Variants in LNPEP observed in about 807,000 individuals in gnomAD.
LNPEP encodes the protein leucyl and cystinyl aminopeptidase, also known as leucyl-cystinyl aminopeptidase.
A neutral mutation model predicts 120.6 loss-of-function variants in LNPEP; 64 were observed. That is an observed-to-expected ratio of 0.53 (90% confidence interval 0.43 to 0.65). The LOEUF (loss-of-function observed/expected upper bound fraction) is 0.65, where lower values mean the gene tolerates loss of function less well. Ranked by LOEUF, LNPEP falls within the 30% of genes least tolerant of loss-of-function variation. The pLI is 0.00. For synonymous variants in LNPEP, 435 were observed against 425.4 expected (o/e 1.02, Z -0.28); for missense variants, 1,057 against 1,200.0 (o/e 0.88, Z 1.76).
chr5:96,956,459 A>C (rs886291046), intron 1 of LNPEP, among the ~76,000 whole-genome samples: 2 of 152,222 alleles, frequency 1.3e-5, no homozygotes, highest in Admixed American at 1.3e-4. Context: ...CGGAGGTTGC[A>C]GTGAGCAGAA....
At chr5:96,944,537 C>CTTTTTTTTTTTTTCTT (rs147837667) in intron 1 of LNPEP, among the ~76,000 whole-genome samples, 1 of 108,244 alleles carries the variant, frequency 9.2e-6, no homozygotes, top group Non-Finnish European at 1.9e-5. Context: ...CAAAGATTTT[C>CTTTTTTTTTTTTTCTT]TTTTTTGTTT....
At chr5:96,945,612 G>T (rs1057130685) in intron 1 of LNPEP, among the ~76,000 whole-genome samples, 1 of 152,102 alleles carries the variant, frequency 6.6e-6, no homozygotes, top group Non-Finnish European at 1.5e-5. Context: ...TACAAAGAGT[G>T]TTTCGTCAGT....
At chr5:96,993,795 A>G (rs1790447398) in intron 5 of LNPEP, 22 bp from the exon 6 acceptor site, 1 of 1,608,774 alleles carries the variant, frequency 6.2e-7, no homozygotes, top group Non-Finnish European at 8.5e-7. Context: ...AAAGTTGATC[A>G]CTTATTTCCT....
intron 13 of LNPEP, among the ~76,000 whole-genome samples, chr5:97,020,554 G>A (rs1707536958): frequency 6.6e-6 from 1 of 152,168 alleles, no homozygotes; most frequent in African/African-American, 2.4e-5. Flanking sequence ...CGTAATCCCA[G>A]CACTTTGGGA....
intron 11 of LNPEP, among the ~76,000 whole-genome samples, chr5:97,012,438 C>T (rs1393520557): frequency 6.6e-6 from 1 of 152,128 alleles, no homozygotes; most frequent in East Asian, 1.9e-4. Context: ...ATCTACAAAC[C>T]TTTGTCTACA....
At chr5:96,966,511 TGTG>T (rs1789726820) in intron 1 of LNPEP, among the ~76,000 whole-genome samples, 2 of 13,214 alleles carry the variant, frequency 1.5e-4, no homozygotes, top group African/African-American at 2.6e-4. Context: ...CATATATTTG[TGTG>T]TGTGTGTGTG....
chr5:97,019,109 C>T (rs1791128850), intron 13 of LNPEP, among the ~76,000 whole-genome samples: 1 of 152,164 alleles, frequency 6.6e-6, no homozygotes, highest in African/African-American at 2.4e-5. Context: ...TAATATACAA[C>T]ATAAGTGCTA....
intron 1 of LNPEP, among the ~76,000 whole-genome samples, chr5:96,942,533 A>C (rs1789079577): frequency 2.6e-5 from 4 of 151,838 alleles, no homozygotes; most frequent in African/African-American, 7.3e-5. Context: ...ACGTGCCTGA[A>C]ATCCCAGCTA....
chr5:97,002,458 A>C lies in LNPEP; in HGVS notation c.1654-957A>C, dbSNP rs77480026. ...GAAAGGACTGTTGGGGACAACAGTG[A>C]GTACTTAAATTTATAGAACAAGTAA... On this transcript the variant is annotated intron_variant, in intron 8 of 17. Transcript: ENST00000231368. Among the ~76,000 whole-genome samples, 1,294 of 152,332 alleles carry C rather than the reference A, an allele frequency of 8.5e-3. 8 individuals are homozygous for C. Among genetic ancestry groups the C allele is most frequent in the Non-Finnish European group, 0.014 (966 of 68,032 alleles).
chr5:97,009,764 C>A (rs535983172), intron 11 of LNPEP, among the ~76,000 whole-genome samples: 3 of 152,284 alleles, frequency 2.0e-5, no homozygotes, highest in Admixed American at 2.0e-4. Context: ...ACGTTTGACC[C>A]TGAGGACAGC....
intron 1 of LNPEP, among the ~76,000 whole-genome samples, chr5:96,950,900 G>C (rs748455144): frequency 1.3e-5 from 2 of 152,162 alleles, no homozygotes; most frequent in Non-Finnish European, 2.9e-5. Context: ...AGTATAGGCA[G>C]TGTAGTAGTC....
chr5:97,016,477 T>TA (rs1791073225), intron 13 of LNPEP, among the ~76,000 whole-genome samples: 1 of 152,196 alleles, frequency 6.6e-6, no homozygotes, highest in African/African-American at 2.4e-5. Flanking sequence ...TAAAGTCACT[T>TA]ACCTAGTAAG....
At chr5:96,997,109 C>T (rs772738456) in intron 7 of LNPEP, among the ~76,000 whole-genome samples, 2 of 151,856 alleles carry the variant, frequency 1.3e-5, no homozygotes, top group Non-Finnish European at 2.9e-5. Context: ...GAAATATTTC[C>T]AGTACTTAGG....
intron 1 of LNPEP, among the ~76,000 whole-genome samples, chr5:96,941,537 C>T (rs1442036450): frequency 6.6e-6 from 1 of 152,062 alleles, no homozygotes; most frequent in Non-Finnish European, 1.5e-5. Flanking sequence ...TGAAAGTTTG[C>T]AAGAAGCCAG....
chr5:97,028,525 T>C lies in LNPEP; in HGVS notation c.3070T>C (p.Trp1024Arg). The C allele has an allele frequency of 1.2e-6, 2 of 1,613,750 alleles. No individual in the cohort carries two copies. The highest frequency in any genetic ancestry group is 1.7e-6 in the Non-Finnish European group (2 of 1,179,704). Residue 1024 changes from tryptophan to arginine, a missense_variant, in exon 18 of 18, where the codon TGG (tryptophan) becomes CGG (arginine). By Grantham distance (101) the Trp-to-Arg change is moderately radical (BLOSUM62 -3). Transcript: ENST00000231368. Reference sequence around the variant, plus strand: ...GAAGAACCTCAAAAGTCTCACATGGTGGCTGTAGCATGCACAACCGCACCT... The same window carrying C: ...GAAGAACCTCAAAAGTCTCACATGGCGGCTGTAGCATGCACAACCGCACCT... ...MEKNLKSLTW[W>R]L is the part of the protein sequence containing the mutation.
intron 4 of LNPEP, among the ~76,000 whole-genome samples, chr5:96,987,276 T>G (rs1354313710): frequency 1.3e-5 from 2 of 152,192 alleles, no homozygotes. Flanking sequence ...TGATTGGACT[T>G]TATACTTTGA....
At chr5:96,987,308 A>G (rs1790265111) in intron 4 of LNPEP, among the ~76,000 whole-genome samples, 1 of 152,182 alleles carries the variant, frequency 6.6e-6, no homozygotes, top group Admixed American at 6.5e-5. Context: ...AAACCTAATA[A>G]AGTTAATTTT....
In LNPEP at chr5:97,030,386, T is replaced by C. The variant is rs1791443867; in HGVS notation, c.*1853T>C. On this transcript the variant is annotated 3_prime_UTR_variant, in exon 18 of 18. Coordinates refer to ENST00000231368, the MANE Select transcript of LNPEP (RefSeq NM_005575.3). ...TTAATGTGTTTTTATATTTTTAGAG[T>C]GAGGGAAAAATACTAAACTTTTGAG... 6.6e-6 allele frequency: 1 copy of C among 152,154 alleles called. No homozygotes were observed. The highest frequency in any genetic ancestry group is 2.1e-4 in the South Asian group (1 of 4,828). 9.4% of individuals were successfully genotyped at this position (152,154 alleles called of 1,614,324 possible). A position where few individuals can be genotyped will look rare whatever the true frequency, so the allele number is the denominator to read the frequency against.
Position 96,985,757 on chromosome 5 carries a change from T to G in LNPEP, c.999+539T>G, listed in dbSNP as rs549139969. 4.1e-5 allele frequency among the ~76,000 whole-genome samples: 6 copies of G among 146,726 alleles called. No individual in the cohort carries two copies. The East Asian group carries it at 9.8e-4, about 24-fold the overall frequency. ...ACCTGGAGCCTAGGGGGTCTTTTTT[T>G]GTTTTTTTTTTTTTGGTCTTAGACA... On this transcript the variant is annotated intron_variant, in intron 3 of 17. Transcript: ENST00000231368.
Sources: allele counts gnomAD v4.1 joint callset (sites outside exome capture counted in the v4.1 genomes callset), GRCh38; gene constraint gnomAD v4.1.1; transcripts MANE v1.5; gene names NCBI Gene and HGNC (gene_info 2026-07-23, HGNC 2026-07-21).